CENPT: variants seen among roughly 807,000 people sequenced by gnomAD.
CENPT encodes interphase centromere complex protein 22.
Under a neutral mutation model 59.7 loss-of-function variants are expected in CENPT, and 42 were observed. That is an observed-to-expected ratio of 0.70 (90% CI 0.55 to 0.91). CENPT has a LOEUF of 0.91. Among genes scored for constraint, CENPT ranks in the 40% least tolerant of loss-of-function variants. CENPT has a pLI of 0.00. For synonymous variants in CENPT, 295 were observed against 289.6 expected, an observed-to-expected ratio of 1.02 and a Z score of -0.19; for missense variants, 716 against 713.4, an observed-to-expected ratio of 1.00 and a Z score of -0.04.
chr16:67,833,787 G>C lies in CENPT; in HGVS notation c.73C>G (p.Pro25Ala), dbSNP rs1354286201. The change falls in exon 4 of 16, where the codon CCG becomes GCG. Residue 25 changes from proline (P) to alanine (A), a missense_variant. Transcript: ENST00000562787. ...LLRRVLDTAD[P>A]RTPRRPRSAR... ...CTCCGGGGTCGCCGCGGGGTGCGCGGGTCCGCTGTATCCAGCACGCGTCGC... is the reference window on the plus strand; with the variant it reads ...CTCCGGGGTCGCCGCGGGGTGCGCGCGTCCGCTGTATCCAGCACGCGTCGC... 7.8e-5 allele frequency: 123 copies of C among 1,568,802 alleles called. No individual in the cohort carries two copies. The highest frequency in any genetic ancestry group is 1.0e-4 in the Non-Finnish European group (121 of 1,160,132).
In CENPT at chr16:67,831,344, G is replaced by T; in HGVS notation, c.575C>A (p.Thr192Asn). 6.2e-7 allele frequency: 1 copy of T among 1,613,976 alleles called. No individual in the cohort carries two copies. The highest frequency in any genetic ancestry group is 1.1e-5 in the South Asian group (1 of 91,076). Residue 192 changes from threonine to asparagine, a missense_variant, in exon 10 of 16, where the codon ACC (threonine) becomes AAC (asparagine). By Grantham distance (65) the Thr-to-Asn change is moderately conservative. Coordinates refer to ENST00000562787, the MANE Select transcript of CENPT (RefSeq NM_025082.4). ...ASSLTRSLNL[T>N]FATPLQPQSV... Reference sequence around the variant, plus strand: ...CTGTGGCTGAAGAGGTGTGGCAAAGGTCAGGTTGAGGGATCTGGTGAGGTG... The same window carrying T: ...CTGTGGCTGAAGAGGTGTGGCAAAGTTCAGGTTGAGGGATCTGGTGAGGTG...
Position 67,828,544 on chromosome 16 carries a change from GATC to G in CENPT, c.1489_1491del (p.Asp497del). Reference sequence around the variant, plus strand: ...CCAGCATGAGCAGCAAATACCTCCAGATCATCACAAAGATGCTGGAAATATTTA... The same window carrying G: ...CCAGCATGAGCAGCAAATACCTCCAGATCACAAAGATGCTGGAAATATTTA... On this transcript the variant is annotated inframe_deletion, in exon 15 of 16. Coordinates refer to ENST00000562787, the MANE Select transcript of CENPT (RefSeq NM_025082.4). 2 of 1,614,218 alleles carry G rather than the reference GATC, an allele frequency of 1.2e-6. No individual in the cohort carries two copies. Among genetic ancestry groups the G allele is most frequent in the East Asian group, 4.5e-5 (2 of 44,888 alleles).
At chr16:67,834,652 T>C (rs1285375101) in intron 3 of CENPT, among the ~76,000 whole-genome samples, 1 of 152,044 alleles carries the variant, frequency 6.6e-6, no homozygotes, top group East Asian at 1.9e-4. Context: ...GCTTTGCAAA[T>C]CTGTCTATAG....
rs760952327 is a variant in CENPT, at chr16:67,832,522, G to A, written c.134C>T (p.Thr45Met). The change falls in exon 5 of 16, where the codon ACG becomes ATG. Residue 45 changes from threonine to methionine, a missense_variant. Coordinates refer to ENST00000562787, the MANE Select transcript of CENPT (RefSeq NM_025082.4). ...GCCACTCAACTTCCTGGGGGAAGCC[G>A]TTTCAAGCAGGGCTCTCCGGGCTCT... Reference protein sequence around the residue: ...RAGARRALLETASPRKLSGQT... With the variant: ...RAGARRALLEMASPRKLSGQT... 44 of 1,613,992 alleles carry A rather than the reference G, an allele frequency of 2.7e-5. No homozygotes were observed. Among genetic ancestry groups the A allele is most frequent in the African/African-American group, 6.7e-5 (5 of 74,932 alleles).
chr16:67,831,477 G>A (rs1361812995), intron 9 of CENPT, 99 bp downstream of exon 9: 2 of 1,571,184 alleles, frequency 1.3e-6, no homozygotes, highest in African/African-American at 1.4e-5. Context: ...GGCTAAAACT[G>A]GTAGGAAGTA....
intron 1 of CENPT, among the ~76,000 whole-genome samples, chr16:67,840,423 C>A (rs1409456590): frequency 2.0e-5 from 3 of 152,166 alleles, no homozygotes; most frequent in Non-Finnish European, 4.4e-5. Flanking sequence ...GGGAGGTGAC[C>A]ACGATCATGT....
rs756984464 is a variant in CENPT, at chr16:67,831,367, G to T, written c.561-9C>A. The T allele has an allele frequency of 1.9e-5, 30 of 1,611,854 alleles. No individual in the cohort carries two copies. Among genetic ancestry groups the T allele is most frequent in the Non-Finnish European group, 2.4e-5 (28 of 1,178,490 alleles). On this transcript the variant is annotated splice_polypyrimidine_tract_variant and intron_variant, in intron 9 of 15. Coordinates refer to ENST00000562787, the MANE Select transcript of CENPT (RefSeq NM_025082.4). ...AGGTCAGGTTGAGGGATCTGGTGAG[G>T]TGGGGAGGCACAGAGGAAAGTCAGG...
intron 1 of CENPT, among the ~76,000 whole-genome samples, chr16:67,839,146 G>T (rs890061298): frequency 7.2e-5 from 11 of 152,044 alleles, no homozygotes; most frequent in Non-Finnish European, 1.3e-4. Flanking sequence ...CAGCACTTTG[G>T]GAGGCTGAGA....
At chr16:67,845,803 A>G (rs2057793980) in intron 1 of CENPT, among the ~76,000 whole-genome samples, 1 of 152,234 alleles carries the variant, frequency 6.6e-6, no homozygotes, top group Non-Finnish European at 1.5e-5. Context: ...CTGAGTAATA[A>G]GCATCTAGTC....
At chr16:67,829,224 C>T in intron 13 of CENPT, 199 bp downstream of exon 13, 1 of 536,740 alleles carries the variant, frequency 1.9e-6, no homozygotes, top group South Asian at 2.8e-5. Flanking sequence ...ACTTTCCCCT[C>T]ACCCAGGCTC....
rs907816175 is a variant in CENPT at position 67,842,337 on chromosome 16, G to A, written c.-492+5064C>T. The stretch of plus-strand genomic sequence containing the variant: ...GCGTCCCCGGGGCCCACTCCCGAGC[G>A]CAGGCGGGCAGCCAGGCGGGCGGCG... On this transcript the variant is annotated intron_variant, in intron 1 of 15. Transcript: ENST00000562787. This position sits in a 1 kb window ranked among gnomAD's most constrained non-coding sequence, Gnocchi z 4.9. 25 of 187,906 alleles carry A rather than the reference G, an allele frequency of 1.3e-4. No individual in the cohort carries two copies. Among genetic ancestry groups the A allele is most frequent in the Admixed American group, 4.3e-4 (7 of 16,306 alleles). The allele number at this position is 187,906 out of a possible 1,614,324, so 11.6% of individuals were successfully genotyped here.
intron 4 of CENPT, among the ~76,000 whole-genome samples, 183 bp downstream of exon 4, chr16:67,833,567 C>T (rs1014563189): frequency 9.9e-5 from 15 of 152,214 alleles, no homozygotes; most frequent in African/African-American, 3.6e-4. Context: ...GAGTCCCAGG[C>T]CCTGCTCCTC....
rs1285952077 is a variant in CENPT, at chr16:67,833,881, T to C, written c.-22A>G. 2 of 1,451,784 alleles carry C rather than the reference T, an allele frequency of 1.4e-6. No homozygotes were observed. The highest frequency in any genetic ancestry group is 2.9e-5 in the Admixed American group (1 of 34,422). 89.9% of individuals were successfully genotyped at this position (1,451,784 alleles called of 1,614,324 possible). A position where few individuals can be genotyped will look rare whatever the true frequency, so the allele number is the denominator to read the frequency against. The stretch of plus-strand genomic sequence containing the variant: ...CCATCGTCTCGGCCCCGGGCCCTCC[T>C]AACCGCCCAGCCAGCTGCAGGCTCC... On this transcript the variant is annotated 5_prime_UTR_variant, in exon 4 of 16. Transcript: ENST00000562787.
Position 67,832,497 on chromosome 16 carries a change from G to T in CENPT, c.159C>A (p.Gly53=). 1 of 1,614,112 alleles carries T rather than the reference G, an allele frequency of 6.2e-7. No homozygotes were observed. Among genetic ancestry groups the T allele is most frequent in the Non-Finnish European group, 8.5e-7 (1 of 1,180,008 alleles). ...LETASPRKLS[G]QTRTIARGRS... ...GCCCTCTGGCTATCGTCCTTGTTTG[G>T]CCACTCAACTTCCTGGGGGAAGCCG... is the stretch of plus-strand genomic sequence containing the variant. Residue 53 remains glycine (G), a synonymous_variant, in exon 5 of 16, where the codon GGC becomes GGA. Transcript: ENST00000562787.
Position 67,842,033 on chromosome 16 carries a change from A to C in CENPT, c.-492+5368T>G, listed in dbSNP as rs1444708032. 1 of 152,172 alleles carries C rather than the reference A, an allele frequency of 6.6e-6. No homozygotes were observed. 9.4% of individuals were successfully genotyped at this position (152,172 alleles called of 1,614,324 possible). A position where few individuals can be genotyped will look rare whatever the true frequency, so the allele number is the denominator to read the frequency against. On this transcript the variant is annotated intron_variant, in intron 1 of 15. Transcript: ENST00000562787. This position sits in a 1 kb window ranked among gnomAD's most constrained non-coding sequence, Gnocchi z 4.9. The stretch of plus-strand genomic sequence containing the variant: ...TTGTAGTCTCCGTGGGCATATACCC[A>C]CCGCGCTTGCGCACCGGTGAGGCGC...
In CENPT at chr16:67,833,730, C is replaced by T; in HGVS notation, c.110+20G>A. On this transcript the variant is annotated intron_variant, in intron 4 of 15. Transcript: ENST00000562787. ...CGGTCCCTCTAGTTGCTCAAGTACT[C>T]GGGGAGCCCCCTCACATACCCAGCC... 1 of 1,457,710 alleles carries T rather than the reference C, an allele frequency of 6.9e-7. No homozygotes were observed. The highest frequency in any genetic ancestry group is 2.6e-5 in the Admixed American group (1 of 39,200). The allele number at this position is 1,457,710 out of a possible 1,614,324, so 90.3% of individuals were successfully genotyped here. A position where few individuals can be genotyped will look rare whatever the true frequency, so the allele number is the denominator to read the frequency against.
chr16:67,846,501 G>A (rs2057799654), intron 1 of CENPT, among the ~76,000 whole-genome samples: 1 of 152,264 alleles, frequency 6.6e-6, no homozygotes, highest in Non-Finnish European at 1.5e-5. Flanking sequence ...GGCAGCCATA[G>A]CCCCAAGGGG....
chr16:67,828,571 T>A lies in CENPT; in HGVS notation c.1465A>T (p.Lys489Ter). 2 of 1,614,168 alleles carry A rather than the reference T, an allele frequency of 1.2e-6. No individual in the cohort carries two copies. The highest frequency in any genetic ancestry group is 2.2e-5 in the East Asian group (1 of 44,888). The change falls in exon 15 of 16, where the codon AAA (lysine) becomes TAA (stop). Residue 489 changes from lysine to a stop codon, truncating the protein, a stop_gained. Coordinates refer to ENST00000562787, the MANE Select transcript of CENPT (RefSeq NM_025082.4). LOFTEE classifies it high-confidence loss of function. ...ALEMVEKCLD[K>*]YFQHLCDDLE... ...TCATCACAAAGATGCTGGAAATATT[T>A]ATCTAGGCTGTCAAGAAGGTGGGGA...
chr16:67,839,320 T>C (rs1598148134), intron 1 of CENPT, among the ~76,000 whole-genome samples: 1 of 146,210 alleles, frequency 6.8e-6, no homozygotes, highest in South Asian at 2.2e-4. Context: ...TGAAGTGGAG[T>C]TTGCAGTGAG....
Sources: allele counts gnomAD v4.1 joint callset (sites outside exome capture counted in the v4.1 genomes callset), GRCh38; gene constraint gnomAD v4.1.1; non-coding constraint Gnocchi (gnomAD v3.1); transcripts MANE v1.5; gene names NCBI Gene and HGNC (gene_info 2026-07-23, HGNC 2026-07-21).